HHAT: variants seen among roughly 807,000 people sequenced by gnomAD.
The protein encoded by HHAT is hedgehog acyltransferase.
HHAT carries 47 observed loss-of-function variants against 70.8 expected under a neutral mutation model. The observed-to-expected ratio is 0.66, with a 90% CI of 0.53 to 0.85. HHAT has a LOEUF of 0.85. Among genes scored for constraint, HHAT ranks in the 40% least tolerant of loss-of-function variants. The probability of loss-of-function intolerance (pLI) is 0.00; values close to 1 mark genes in which losing one functional copy is unlikely to be tolerated. For missense variants in HHAT, 609 were observed against 604.8 expected (o/e 1.01, Z -0.07); for synonymous variants, 228 against 247.6 (o/e 0.92, Z 0.74).
At chr1:210,349,712 A>G (rs1448265875) in intron 2 of HHAT, among the ~76,000 whole-genome samples, 4 of 147,380 alleles carry the variant, frequency 2.7e-5, no homozygotes, top group African/African-American at 1.0e-4. Context: ...GAGCAATGGT[A>G]CCATCTCGGC....
chr1:210,662,671 T>C (rs149446411), intron 11 of HHAT, among the ~76,000 whole-genome samples: 14 of 152,080 alleles, frequency 9.2e-5, no homozygotes, highest in African/African-American at 3.4e-4. Flanking sequence ...TATTTGTTTT[T>C]TTTCAGCACC....
intron 5 of HHAT, among the ~76,000 whole-genome samples, chr1:210,401,295 G>A (rs755943780): frequency 6.6e-6 from 1 of 152,114 alleles, no homozygotes; most frequent in Non-Finnish European, 1.5e-5. Context: ...TGTATTTTTA[G>A]TAGAGATGGG....
intron 7 of HHAT, among the ~76,000 whole-genome samples, chr1:210,453,039 C>T (rs1481925498): frequency 2.0e-5 from 3 of 152,130 alleles, no homozygotes; most frequent in Non-Finnish European, 4.4e-5. Flanking sequence ...GAAATAACGC[C>T]TGTGCACCTA....
intron 7 of HHAT, among the ~76,000 whole-genome samples, chr1:210,443,227 A>G (rs1335651601): frequency 6.8e-6 from 1 of 147,456 alleles, no homozygotes; most frequent in Non-Finnish European, 1.5e-5. Context: ...TACCAGTACC[A>G]TGCTGTTTTG....
intron 3 of HHAT, among the ~76,000 whole-genome samples, chr1:210,378,664 TC>T (rs2090409711): frequency 2.0e-5 from 3 of 152,052 alleles, no homozygotes; most frequent in Admixed American, 1.3e-4. Context: ...GAAACATTTA[TC>T]TTTTTTTTTT....
At chr1:210,663,770 G>C (rs1418763218) in intron 11 of HHAT, among the ~76,000 whole-genome samples, 2 of 152,208 alleles carry the variant, frequency 1.3e-5, no homozygotes, top group Non-Finnish European at 2.9e-5. Context: ...GCCTACCCCA[G>C]ATCTACTGGA....
intron 1 of HHAT, among the ~76,000 whole-genome samples, chr1:210,338,886 A>G (rs1377560411): frequency 3.3e-5 from 5 of 152,180 alleles, no homozygotes; most frequent in Non-Finnish European, 7.3e-5. Context: ...AAGGAAAAAC[A>G]CAACAATCAG....
intron 1 of HHAT, among the ~76,000 whole-genome samples, chr1:210,346,341 C>A (rs115956854): frequency 5.3e-5 from 8 of 151,986 alleles, no homozygotes; most frequent in Admixed American, 5.2e-4. Context: ...TTTTGACAGG[C>A]GAGACATTAA....
intron 1 of HHAT, among the ~76,000 whole-genome samples, chr1:210,346,896 T>C (rs1392761461): frequency 6.6e-6 from 1 of 152,222 alleles, no homozygotes; most frequent in East Asian, 1.9e-4. Flanking sequence ...TATTTACTTA[T>C]TTGTTTACTC....
intron 2 of HHAT, among the ~76,000 whole-genome samples, chr1:210,362,278 T>C (rs2088427044): frequency 6.6e-6 from 1 of 151,776 alleles, no homozygotes; most frequent in Non-Finnish European, 1.5e-5. Flanking sequence ...GGAGTCTTGC[T>C]CTTGTTGCCC....
chr1:210,408,417 A>G (rs2092414748), intron 6 of HHAT, among the ~76,000 whole-genome samples: 1 of 152,166 alleles, frequency 6.6e-6, no homozygotes, highest in African/African-American at 2.4e-5. Flanking sequence ...TCCCGACCTC[A>G]GGTGATCCGC....
At chr1:210,525,959 T>C (rs1183407651) in intron 9 of HHAT, among the ~76,000 whole-genome samples, 2 of 152,208 alleles carry the variant, frequency 1.3e-5, no homozygotes, top group African/African-American at 4.8e-5. Flanking sequence ...TCCTAATGCG[T>C]GCGCGATCTT....
At chr1:210,552,562 A>G (rs985854849) in intron 9 of HHAT, among the ~76,000 whole-genome samples, 3 of 152,226 alleles carry the variant, frequency 2.0e-5, no homozygotes, top group African/African-American at 7.2e-5. Flanking sequence ...GTTGTGGCAG[A>G]GGCATCACCT....
chr1:210,369,498 T>C (rs1483449988), intron 3 of HHAT, among the ~76,000 whole-genome samples: 1 of 152,250 alleles, frequency 6.6e-6, no homozygotes, highest in African/African-American at 2.4e-5. Flanking sequence ...TATTTATAAA[T>C]GCCTCTGCAT....
In HHAT at chr1:210,623,511, C is replaced by A. The variant is rs1202846180; in HGVS notation, c.1246-15C>A. ...ACCCTTGTCATGAGATGCTTTCTTG[C>A]CATTTTTCCCGTAGGCCCGATACTT... On this transcript the variant is annotated splice_polypyrimidine_tract_variant and intron_variant, in intron 10 of 11. Coordinates refer to ENST00000261458, the MANE Select transcript of HHAT (RefSeq NM_018194.6). 4 of 1,613,532 alleles carry A rather than the reference C, an allele frequency of 2.5e-6. No homozygotes were observed. The highest frequency in any genetic ancestry group is 3.4e-6 in the Non-Finnish European group (4 of 1,179,854).
rs1301650798 is a variant in HHAT at position 210,513,257 on chromosome 1, A to C, written c.1043+69A>C. 3.6e-6 allele frequency: 3 copies of C among 830,306 alleles called. No homozygotes were observed. The East Asian group carries it at 7.5e-5, about 21-fold the overall frequency. 51.4% of individuals were successfully genotyped at this position (830,306 alleles called of 1,614,324 possible). ...CTATTATGAAAGATTGAAATGGAAAATCTTTGTTAAGTATCTTGATAAATA... is the reference window on the plus strand; with the variant it reads ...CTATTATGAAAGATTGAAATGGAAACTCTTTGTTAAGTATCTTGATAAATA... On this transcript the variant is annotated intron_variant, in intron 9 of 11. Transcript: ENST00000261458.
chr1:210,639,800 C>T (rs1672640456), intron 11 of HHAT, among the ~76,000 whole-genome samples: 1 of 152,156 alleles, frequency 6.6e-6, no homozygotes. Flanking sequence ...CAGTTCTTCC[C>T]TTGCCCAACC....
At chr1:210,449,939 C>G (rs968574675) in intron 7 of HHAT, among the ~76,000 whole-genome samples, 1 of 152,134 alleles carries the variant, frequency 6.6e-6, no homozygotes, top group Non-Finnish European at 1.5e-5. Context: ...AGGGAGGATG[C>G]ATCCACAGTT....
chr1:210,363,849 A>G (rs1200390527), intron 3 of HHAT, among the ~76,000 whole-genome samples: 3 of 152,172 alleles, frequency 2.0e-5, no homozygotes, highest in African/African-American at 7.2e-5. Context: ...CTGGCTTGGG[A>G]CATAAAAGAC....
Sources: gnomAD v4.1 joint callset for allele counts (sites outside exome capture counted in the v4.1 genomes callset) on GRCh38, gnomAD v4.1.1 for gene constraint, MANE v1.5 for transcripts, NCBI Gene and HGNC (gene_info 2026-07-23, HGNC 2026-07-21) for gene names.